ITIH1: variants seen among roughly 807,000 people sequenced by gnomAD.
ITIH1 encodes the protein inter-alpha-trypsin inhibitor heavy chain H1.
A neutral mutation model predicts 104.6 loss-of-function variants in ITIH1; 94 were observed. The observed-to-expected ratio is 0.90, with a 90% CI of 0.76 to 1.07. ITIH1 has a LOEUF of 1.07. Among genes scored for constraint, ITIH1 ranks in the 50% least tolerant of loss-of-function variants. The probability of loss-of-function intolerance (pLI) is 0.00; values close to 1 mark genes in which losing one functional copy is unlikely to be tolerated. For missense variants in ITIH1, 1,193 were observed against 1,181.4 expected (o/e 1.01, Z -0.14); for synonymous variants, 455 against 464.4 (o/e 0.98, Z 0.26).
chr3:52,790,131 A>C, intron 19 of ITIH1: 1 of 505,138 alleles, frequency 2.0e-6, no homozygotes, highest in Non-Finnish European at 3.6e-6. Context: ...TCATCCTCCC[A>C]GGCCCAGCAA....
chr3:52,778,386 T>A lies in ITIH1; in HGVS notation c.185T>A (p.Val62Asp). The change falls in exon 3 of 22, where the codon GTC (valine) becomes GAC (aspartate). Residue 62 changes from valine (V) to aspartate (D), a missense_variant. Coordinates refer to ENST00000273283, the MANE Select transcript of ITIH1 (RefSeq NM_002215.4). ...FIRSLKVNCK[V>D]TSRFAHYVVT... ...CGGAGTTTGAAAGTCAACTGCAAAG[T>A]CACCTCTCGCTTCGCCCACTATGTT... 1 of 1,614,194 alleles carries A rather than the reference T, an allele frequency of 6.2e-7. No individual in the cohort carries two copies. Among genetic ancestry groups the A allele is most frequent in the Non-Finnish European group, 8.5e-7 (1 of 1,180,036 alleles).
chr3:52,791,666 C>A, intron 21 of ITIH1, 38 bp downstream of exon 21: 1 of 1,610,678 alleles, frequency 6.2e-7, no homozygotes, highest in Non-Finnish European at 8.5e-7. Context: ...TGCCCTCGGC[C>A]ACTTTGTAGT....
intron 11 of ITIH1, 140 bp from the exon 12 acceptor site, chr3:52,784,904 C>A (rs1417056136): frequency 2.1e-5 from 16 of 761,096 alleles, no homozygotes; most frequent in Non-Finnish European, 2.7e-5. Flanking sequence ...AGCAGCATGA[C>A]CTCGAGCCAG....
At chr3:52,790,047 A>T (rs899565568) in intron 19 of ITIH1, 193 bp downstream of exon 19, 6 of 613,310 alleles carry the variant, frequency 9.8e-6, no homozygotes, top group South Asian at 9.8e-5. Context: ...CTCTGGGCCC[A>T]GCTGCATGGC....
At chr3:52,788,852 T>C (rs1174156090) in intron 18 of ITIH1, among the ~76,000 whole-genome samples, 1 of 152,206 alleles carries the variant, frequency 6.6e-6, no homozygotes, top group Non-Finnish European at 1.5e-5. Context: ...TGAGCCACCG[T>C]GCCCAGCCAG....
chr3:52,781,269 TTCTTCTTCTTCTTCTTCC>T (rs1559461405), intron 6 of ITIH1, among the ~76,000 whole-genome samples: 17 of 134,778 alleles, frequency 1.3e-4, no homozygotes, highest in South Asian at 9.5e-4. Flanking sequence ...CTTCTTCTTC[TTCTTCTTCTTCTTCTTCC>T]TCTTCTTCTT....
At position 52,791,864 on chromosome 3, in the gene ITIH1, C is replaced by G. The variant is rs963772305; in HGVS notation, c.2689C>G (p.Leu897Val). 5.0e-6 allele frequency: 8 copies of G among 1,614,092 alleles called. No individual in the cohort carries two copies. The African/African-American group carries it at 1.1e-4, about 22-fold the overall frequency. Residue 897 changes from leucine (L) to valine (V), a missense_variant, in exon 22 of 22, where the codon CTC (leucine) becomes GTC (valine). Physicochemically the swap from Leu to Val is conservative, Grantham distance 32. Coordinates refer to ENST00000273283, the MANE Select transcript of ITIH1 (RefSeq NM_002215.4). ...GTTCATTCACAACAATGGGGCTGGA[C>G]TCATCGATGGTGCCTACACTGATTA... is the stretch of plus-strand genomic sequence containing the variant. ...CWFIHNNGAG[L>V]IDGAYTDYIV...
rs200937858 is a variant in ITIH1, at chr3:52,789,727, C to T, written c.2194C>T (p.Arg732Trp). The T allele has an allele frequency of 8.4e-5, 136 of 1,614,148 alleles. No individual in the cohort carries two copies. Among genetic ancestry groups the T allele is most frequent in the East Asian group, 2.2e-4 (10 of 44,872 alleles). The change falls in exon 19 of 22, where the codon CGG becomes TGG. Residue 732 changes from arginine to tryptophan, a missense_variant. Arg to Trp is a moderately radical substitution (Grantham distance 101). Transcript: ENST00000273283. ...GCAGCATGACGGCACGTACTTCGGG[C>T]GGCTGGGAATCGCAAACCCTGCCAC... ...PGQHDGTYFG[R>W]LGIANPATDF... is the part of the protein sequence containing the mutation.
intron 6 of ITIH1, among the ~76,000 whole-genome samples, chr3:52,781,208 T>C (rs374876099): frequency 0.022 from 1,118 of 49,930 alleles, 80 homozygotes; most frequent in Middle Eastern, 0.04. Context: ...TTTTTTTTTT[T>C]TTCTTCTTCT....
At chr3:52,784,648 G>C (rs1036943134) in intron 11 of ITIH1, among the ~76,000 whole-genome samples, 171 bp downstream of exon 11, 5 of 152,212 alleles carry the variant, frequency 3.3e-5, no homozygotes, top group African/African-American at 4.8e-5. Context: ...ACTTTGGGAG[G>C]CCAAGGTGGG....
At position 52,789,793 on chromosome 3, in the gene ITIH1, A is replaced by G. The variant is rs1343100278; in HGVS notation, c.2260A>G (p.Asn754Asp). 1.2e-6 allele frequency: 2 copies of G among 1,614,244 alleles called. No individual in the cohort carries two copies. The highest frequency in any genetic ancestry group is 1.7e-6 in the Non-Finnish European group (2 of 1,180,046). Residue 754 changes from asparagine (N) to aspartate (D), a missense_variant, in exon 19 of 22, where the codon AAC becomes GAC. Physicochemically the swap from Asn to Asp is conservative, Grantham distance 23 (BLOSUM62 1). Transcript: ENST00000273283. The stretch of plus-strand genomic sequence containing the variant: ...AGTGACTCCTCAGAACATTACGCTG[A>G]ACCCCGGCTTTGGTGGGCCTGTGTT... Reference protein sequence around the residue: ...LEVTPQNITLNPGFGGPVFSW... With the variant: ...LEVTPQNITLDPGFGGPVFSW...
chr3:52,788,752 G>A (rs150373349), intron 18 of ITIH1, among the ~76,000 whole-genome samples: 48 of 152,176 alleles, frequency 3.2e-4, no homozygotes, highest in African/African-American at 1.0e-3. Context: ...GTAGAGATGG[G>A]GTTTCACCAT....
intron 16 of ITIH1, 78 bp from the exon 17 acceptor site, chr3:52,787,908 A>C (rs1443744857): frequency 7.2e-7 from 1 of 1,379,338 alleles, no homozygotes; most frequent in Admixed American, 1.7e-5. Flanking sequence ...CCAGTGAGGA[A>C]AGAGTCATCA....
chr3:52,785,959 G>T (rs1699185639), intron 12 of ITIH1, among the ~76,000 whole-genome samples: 1 of 152,254 alleles, frequency 6.6e-6, no homozygotes, highest in South Asian at 2.1e-4. Context: ...GCCGTGGCAA[G>T]TTGAATGGTG....
At position 52,788,374 on chromosome 3, in the gene ITIH1, C is replaced by T. The variant is rs1363496944; in HGVS notation, c.2119+29C>T. On this transcript the variant is annotated intron_variant, in intron 18 of 21. Coordinates refer to ENST00000273283, the MANE Select transcript of ITIH1 (RefSeq NM_002215.4). ...TGGCGGGCATCACACCTCTGCCAGA[C>T]AGGGCCAGGGCTCCTCTGCCCTCAA... is the stretch of plus-strand genomic sequence containing the variant. 4 of 1,368,776 alleles carry T rather than the reference C, an allele frequency of 2.9e-6. No individual in the cohort carries two copies. The Admixed American group carries it at 7.6e-5, about 26-fold the overall frequency. 84.8% of individuals were successfully genotyped at this position (1,368,776 alleles called of 1,614,324 possible).
In ITIH1 at chr3:52,791,529, A is replaced by G. The variant is rs1365599235; in HGVS notation, c.2507A>G (p.His836Arg). ...RTHGLLGQFF[H>R]PIGFEVSDIH... ...TGTGCCTTTCTAGGGCAATTTTTCCACCCCATCGGTTTTGAAGTGTCTGAC... is the reference window on the plus strand; with the variant it reads ...TGTGCCTTTCTAGGGCAATTTTTCCGCCCCATCGGTTTTGAAGTGTCTGAC... The change falls in exon 21 of 22, where the codon CAC (histidine) becomes CGC (arginine). Residue 836 changes from histidine to arginine, a missense_variant. Transcript: ENST00000273283. 1 of 1,613,908 alleles carries G rather than the reference A, an allele frequency of 6.2e-7. No individual in the cohort carries two copies. Among genetic ancestry groups the G allele is most frequent in the Admixed American group, 1.7e-5 (1 of 60,014 alleles).
rs139570785 is a variant in ITIH1, at chr3:52,782,998, A to G, written c.972A>G (p.Pro324=). 2,630 of 1,614,144 alleles carry G rather than the reference A, an allele frequency of 1.6e-3. 8 individuals carry two copies. Among genetic ancestry groups the G allele is most frequent in the Non-Finnish European group, 1.9e-3 (2,207 of 1,180,010 alleles). The stretch of plus-strand genomic sequence containing the variant: ...TTAAAATTCTGGGGGACATGCAGCC[A>G]GGGGACTACTTTGACCTGGTTCTTT... The part of the protein sequence containing the change: ...ALLKILGDMQ[P]GDYFDLVLFG... Residue 324 remains proline, a synonymous_variant, in exon 9 of 22, where the codon CCA becomes CCG. Transcript: ENST00000273283.
At chr3:52,790,623 A>T in intron 19 of ITIH1, 126 bp from the exon 20 acceptor site, 1 of 917,134 alleles carries the variant, frequency 1.1e-6, no homozygotes, top group Non-Finnish European at 1.7e-6. Context: ...ACAGCCGGCC[A>T]TCTGGGGATG....
intron 10 of ITIH1, among the ~76,000 whole-genome samples, chr3:52,783,644 C>T (rs549121448): frequency 5.9e-5 from 9 of 152,122 alleles, no homozygotes; most frequent in Non-Finnish European, 1.5e-5. Flanking sequence ...TTATTTATCA[C>T]CTACTGTATG....
Sources: allele counts gnomAD v4.1 joint callset (sites outside exome capture counted in the v4.1 genomes callset), GRCh38; gene constraint gnomAD v4.1.1; transcripts MANE v1.5; gene names NCBI Gene and HGNC (gene_info 2026-07-23, HGNC 2026-07-21).